RANBP2: variants seen among roughly 807,000 people sequenced by gnomAD.
The protein encoded by RANBP2 is E3 SUMO-protein ligase RanBP2.
In RANBP2, 57 loss-of-function variants were observed where a neutral mutation model predicts 303.6. The observed-to-expected ratio is 0.19, with a 90% CI of 0.15 to 0.23. The LOEUF is 0.23. Among genes scored for constraint, RANBP2 ranks in the 10% least tolerant of loss-of-function variants. The pLI is 1.00. For missense variants in RANBP2, 3,138 were observed against 3,780.8 expected (o/e 0.83, Z 4.46); for synonymous variants, 1,167 against 1,301.5 (o/e 0.90, Z 2.23).
At chr2:109,385,838 A>G in the RANBP2 span, among the ~76,000 whole-genome samples, 1 of 152,246 alleles carries the variant, frequency 6.6e-6, no homozygotes, top group Non-Finnish European at 1.5e-5. Context: ...CAGGAGGTCA[A>G]ATTTACACGT....
chr2:109,295,660 C>T, the RANBP2 span, among the ~76,000 whole-genome samples: 1 of 147,582 alleles, frequency 6.8e-6, no homozygotes, highest in Non-Finnish European at 1.5e-5. Flanking sequence ...AGGACAGGGG[C>T]CTGCTGCCTG....
intron 1 of RANBP2, among the ~76,000 whole-genome samples, chr2:108,726,366 C>T (rs1411379138): frequency 6.6e-6 from 1 of 151,494 alleles, no homozygotes; most frequent in East Asian, 1.9e-4. Flanking sequence ...GCAAGAGTAG[C>T]GATGCTGGCA....
rs578102224 is a variant in RANBP2, at chr2:108,784,933, A to G, written c.*1032A>G. 2.0e-5 allele frequency: 3 copies of G among 152,368 alleles called. No individual in the cohort carries two copies. In the South Asian group the frequency reaches 6.2e-4, roughly 32 times the overall value. 9.4% of individuals were successfully genotyped at this position (152,368 alleles called of 1,614,324 possible). ...CAAGTTTGATACACACCAAAAACGTATTTGGAAATGGCTTGTATCAAATGT... is the reference window on the plus strand; with the variant it reads ...CAAGTTTGATACACACCAAAAACGTGTTTGGAAATGGCTTGTATCAAATGT... On this transcript the variant is annotated 3_prime_UTR_variant, in exon 29 of 29. Transcript: ENST00000283195.
chr2:108,921,315 G>A, the RANBP2 span, among the ~76,000 whole-genome samples: 1,054 of 152,308 alleles, frequency 6.9e-3, 14 homozygotes, highest in African/African-American at 0.024. Context: ...ATTGTCTGCT[G>A]TAGCTCTCCT....
the RANBP2 span, among the ~76,000 whole-genome samples, chr2:109,261,130 T>G: frequency 6.6e-6 from 1 of 152,188 alleles, no homozygotes; most frequent in Non-Finnish European, 1.5e-5. Flanking sequence ...GCCAGGCCCG[T>G]GAGCTAGCCT....
At chr2:109,196,024 C>T in the RANBP2 span, among the ~76,000 whole-genome samples, 1 of 152,226 alleles carries the variant, frequency 6.6e-6, no homozygotes, top group Non-Finnish European at 1.5e-5. Flanking sequence ...GTACGCACAC[C>T]TGTTTTTCCA....
At chr2:108,891,528 A>C in the RANBP2 span, among the ~76,000 whole-genome samples, 8 of 152,216 alleles carry the variant, frequency 5.3e-5, no homozygotes, top group African/African-American at 1.7e-4. Context: ...TGGGATGCCA[A>C]ATGGGCCAGT....
At chr2:108,828,350 C>T in the RANBP2 span, among the ~76,000 whole-genome samples, 2 of 152,214 alleles carry the variant, frequency 1.3e-5, no homozygotes, top group Non-Finnish European at 1.5e-5. Context: ...TCAAAGAATA[C>T]TACTTATCCT....
At chr2:109,035,521 A>G in the RANBP2 span, among the ~76,000 whole-genome samples, 1 of 136,434 alleles carries the variant, frequency 7.3e-6, no homozygotes, top group African/African-American at 2.7e-5. Context: ...GAGGCACTGC[A>G]GAAGCCTCCA....
At chr2:109,550,369 G>A in the RANBP2 span, among the ~76,000 whole-genome samples, 2 of 151,196 alleles carry the variant, frequency 1.3e-5, no homozygotes, top group African/African-American at 4.9e-5. Context: ...CTGGAGTGCA[G>A]TGGCATAATC....
the RANBP2 span, among the ~76,000 whole-genome samples, chr2:109,390,171 A>C: frequency 1.3e-5 from 2 of 152,222 alleles, no homozygotes; most frequent in African/African-American, 4.8e-5. Flanking sequence ...CCCAACAGAG[A>C]GACTTCCCTT....
At chr2:109,585,891 T>G in the RANBP2 span, 5 of 1,378,474 alleles carry the variant, frequency 3.6e-6, no homozygotes, top group Non-Finnish European at 5.1e-6. Context: ...AACTTTGACT[T>G]AAATAGGATG....
the RANBP2 span, among the ~76,000 whole-genome samples, chr2:109,471,433 T>G: frequency 6.6e-6 from 1 of 152,060 alleles, no homozygotes; most frequent in Admixed American, 6.6e-5. Context: ...TCATGAGAAC[T>G]CACTCACTAT....
chr2:108,755,517 G>A (rs573779380), intron 17 of RANBP2, among the ~76,000 whole-genome samples: 2 of 151,860 alleles, frequency 1.3e-5, no homozygotes, highest in East Asian at 1.9e-4. Context: ...AGCCTGCCAC[G>A]AAGCCAGGAC....
chr2:109,338,292 A>G, the RANBP2 span, among the ~76,000 whole-genome samples: 1 of 152,180 alleles, frequency 6.6e-6, no homozygotes, highest in South Asian at 2.1e-4. Context: ...AAACTGAGGC[A>G]TGGAGCAGGC....
the RANBP2 span, chr2:109,371,673 T>A: frequency 1.9e-6 from 3 of 1,613,706 alleles, no homozygotes; most frequent in Non-Finnish European, 2.5e-6. Context: ...CCCGCTCCTG[T>A]ACGTGGAGGT....
chr2:109,569,933 G>A, the RANBP2 span, among the ~76,000 whole-genome samples: 1 of 152,030 alleles, frequency 6.6e-6, no homozygotes, highest in Non-Finnish European at 1.5e-5. Flanking sequence ...GGCCTGGGGA[G>A]TGGCAAGATG....
chr2:109,511,209 C>A, the RANBP2 span, among the ~76,000 whole-genome samples: 1 of 152,182 alleles, frequency 6.6e-6, no homozygotes, highest in Non-Finnish European at 1.5e-5. Context: ...GGAGGCCTGG[C>A]TGATGTCAGG....
At chr2:108,845,954 G>C in the RANBP2 span, among the ~76,000 whole-genome samples, 1 of 151,924 alleles carries the variant, frequency 6.6e-6, no homozygotes, top group Admixed American at 6.6e-5. Flanking sequence ...TTTCTATTTT[G>C]CCCATTTTTT....
Sources: gnomAD v4.1 joint callset for allele counts (sites outside exome capture counted in the v4.1 genomes callset) on GRCh38, gnomAD v4.1.1 for gene constraint, MANE v1.5 for transcripts, NCBI Gene and HGNC (gene_info 2026-07-23, HGNC 2026-07-21) for gene names.